The following CLIC5 variants were observed in gnomAD, a reference collection of about 807,000 sequenced individuals.
CLIC5 encodes CLIC family member 5, also known as chloride intracellular channel protein 5.
Under a neutral mutation model 24.7 loss-of-function variants are expected in CLIC5, and 20 were observed. The observed-to-expected ratio is 0.81, with a 90% CI of 0.57 to 1.18. The LOEUF is 1.18. CLIC5 is among the 50% of genes most tolerant of loss of function. The probability of loss-of-function intolerance (pLI) is 0.00; values close to 1 mark genes in which losing one functional copy is unlikely to be tolerated. For synonymous variants in CLIC5, 159 were observed against 135.6 expected (o/e 1.17, Z -1.20); for missense variants, 341 against 326.1 (o/e 1.05, Z -0.35).
the CLIC5 span, among the ~76,000 whole-genome samples, chr6:46,085,846 G>C: frequency 6.6e-6 from 1 of 152,248 alleles, no homozygotes; most frequent in Non-Finnish European, 1.5e-5. Context: ...TGCCCCCAGA[G>C]GTGGAGCCTA....
At chr6:46,119,882 G>T in the CLIC5 span, among the ~76,000 whole-genome samples, 1 of 152,200 alleles carries the variant, frequency 6.6e-6, no homozygotes, top group Non-Finnish European at 1.5e-5. Flanking sequence ...AGCGAGGGTG[G>T]GGGAGGGGTG....
chr6:45,919,162 TTC>T, intron 4 of CLIC5: 6 of 940,144 alleles, frequency 6.4e-6, no homozygotes, highest in Non-Finnish European at 7.6e-6. Context: ...CCCTAGAGAA[TTC>T]TGTCTCTTTG....
chr6:45,984,668 G>A (rs371005648), intron 1 of CLIC5, among the ~76,000 whole-genome samples: 2 of 152,130 alleles, frequency 1.3e-5, no homozygotes, highest in Admixed American at 1.3e-4. Context: ...TCTTGCCTTC[G>A]CTGGGGCTAG....
chr6:46,049,982 G>A (rs1267469960), intron 1 of CLIC5, among the ~76,000 whole-genome samples: 3 of 152,116 alleles, frequency 2.0e-5, no homozygotes, highest in African/African-American at 7.2e-5. Flanking sequence ...ATTTTTTTGT[G>A]TGGAGTATCT....
chr6:45,922,263 T>C (rs1045913893), intron 4 of CLIC5, among the ~76,000 whole-genome samples: 1 of 152,226 alleles, frequency 6.6e-6, no homozygotes, highest in African/African-American at 2.4e-5. Context: ...GTTTAAGTCT[T>C]ACAATTATGG....
chr6:46,059,430 G>A (rs183496657), intron 1 of CLIC5, among the ~76,000 whole-genome samples: 1 of 152,312 alleles, frequency 6.6e-6, no homozygotes, highest in East Asian at 1.9e-4. Flanking sequence ...GTTGCTGTAG[G>A]CAGAGCCAGT....
At chr6:45,922,835 T>C (rs3777555) in intron 4 of CLIC5, among the ~76,000 whole-genome samples, 7 of 144,390 alleles carry the variant, frequency 4.8e-5, no homozygotes, top group African/African-American at 1.8e-4. Flanking sequence ...GAGAGAGAGA[T>C]AGAGAGAGAG....
At chr6:45,924,410 C>T (rs1388915192) in intron 4 of CLIC5, among the ~76,000 whole-genome samples, 1 of 152,144 alleles carries the variant, frequency 6.6e-6, no homozygotes, top group Non-Finnish European at 1.5e-5. Flanking sequence ...TCCCTGGATA[C>T]CCTAATGTGC....
At chr6:46,028,521 G>A (rs1192991489) in intron 1 of CLIC5, among the ~76,000 whole-genome samples, 1 of 152,216 alleles carries the variant, frequency 6.6e-6, no homozygotes, top group African/African-American at 2.4e-5. Flanking sequence ...GTACATGCAT[G>A]ATTATACCTC....
At chr6:45,888,439 G>GA (rs977831604) in intron 6 of CLIC5, among the ~76,000 whole-genome samples, 3 of 152,110 alleles carry the variant, frequency 2.0e-5, no homozygotes, top group Non-Finnish European at 4.4e-5. Context: ...ACCACCTGGG[G>GA]AAAAAATTCA....
chr6:45,907,330 A>G (rs993871621), intron 5 of CLIC5, among the ~76,000 whole-genome samples: 4 of 152,172 alleles, frequency 2.6e-5, no homozygotes, highest in Admixed American at 6.5e-5. Context: ...AATAACATTT[A>G]TTGATTTGTG....
At chr6:46,036,552 C>T (rs577022480) in intron 1 of CLIC5, among the ~76,000 whole-genome samples, 11 of 151,414 alleles carry the variant, frequency 7.3e-5, no homozygotes, top group East Asian at 2.0e-4. Flanking sequence ...CCTCGTGTTC[C>T]GCCTGCCTCG....
At chr6:46,073,688 G>C (rs1762684922) in intron 1 of CLIC5, among the ~76,000 whole-genome samples, 1 of 152,186 alleles carries the variant, frequency 6.6e-6, no homozygotes, top group African/African-American at 2.4e-5. Context: ...TGCAGTGAAA[G>C]GCAGCACTCT....
intron 6 of CLIC5, among the ~76,000 whole-genome samples, chr6:45,887,016 A>G (rs1762310786): frequency 6.6e-6 from 1 of 152,226 alleles, no homozygotes; most frequent in Non-Finnish European, 1.5e-5. Context: ...GCTGCAGGGC[A>G]CAGAATGCTA....
intron 1 of CLIC5, among the ~76,000 whole-genome samples, chr6:45,984,636 C>A (rs1389863739): frequency 2.0e-5 from 3 of 152,302 alleles, no homozygotes; most frequent in East Asian, 1.9e-4. Flanking sequence ...CTGGTCACTG[C>A]AGGGCAAGGC....
At chr6:46,100,863 C>T in the CLIC5 span, among the ~76,000 whole-genome samples, 1 of 152,126 alleles carries the variant, frequency 6.6e-6, no homozygotes, top group African/African-American at 2.4e-5. Context: ...TTACCACTAA[C>T]CCCTCAATGG....
At chr6:46,103,530 A>T in the CLIC5 span, among the ~76,000 whole-genome samples, 4 of 152,198 alleles carry the variant, frequency 2.6e-5, no homozygotes, top group South Asian at 6.2e-4. Flanking sequence ...TAACAAGACC[A>T]CCTTTGCTAG....
At chr6:46,082,128 C>A (rs750667266), upstream of CLIC5, among the ~76,000 whole-genome samples, 1 of 152,140 alleles carries the variant, frequency 6.6e-6, no homozygotes, top group Non-Finnish European at 1.5e-5. Context: ...ACTACTAATG[C>A]AGTGTGTAGC....
At chr6:45,972,600 A>G (rs1418583046) in intron 1 of CLIC5, among the ~76,000 whole-genome samples, 1 of 152,252 alleles carries the variant, frequency 6.6e-6, no homozygotes, top group African/African-American at 2.4e-5. Flanking sequence ...ACAGACCAGC[A>G]ACATCAGCAT....
Sources: gnomAD v4.1 joint callset for allele counts (sites outside exome capture counted in the v4.1 genomes callset) on GRCh38, gnomAD v4.1.1 for gene constraint, MANE v1.5 for transcripts, NCBI Gene and HGNC (gene_info 2026-07-23, HGNC 2026-07-21) for gene names.